The following ARCN1 variants were observed in gnomAD, a reference collection of about 807,000 sequenced individuals.
ARCN1 encodes archain 1 coat protein complex I subunit delta, also known as coatomer subunit delta.
ARCN1 carries 5 observed loss-of-function variants against 60.4 expected under a neutral mutation model. That is an observed-to-expected ratio of 0.08 (90% CI 0.04 to 0.17). The LOEUF is 0.17. Among genes scored for constraint, ARCN1 ranks in the 10% least tolerant of loss-of-function variants. ARCN1 has a pLI of 1.00. For missense variants in ARCN1, 464 were observed against 626.5 expected (o/e 0.74, Z 2.77); for synonymous variants, 224 against 220.0 (o/e 1.02, Z -0.16).
At chr11:118,591,320 G>A (rs915864739) in intron 6 of ARCN1, among the ~76,000 whole-genome samples, 2 of 152,178 alleles carry the variant, frequency 1.3e-5, no homozygotes, top group African/African-American at 2.4e-5. Flanking sequence ...TCTTTTGGAA[G>A]CAGTGCTTAT....
chr11:118,592,595 G>C, intron 6 of ARCN1, 114 bp from the exon 7 acceptor site: 1 of 689,832 alleles, frequency 1.4e-6, no homozygotes, highest in Admixed American at 2.7e-5. Context: ...AAAAGAATTG[G>C]AATTTGTTAG....
chr11:118,592,783 T>G lies in ARCN1; in HGVS notation c.1059T>G (p.Phe353Leu), dbSNP rs2135551791. ...LIGLKNPEKS[F>L]PVNSDVGVLK... The stretch of plus-strand genomic sequence containing the variant: ...GCCTGAAGAATCCAGAGAAGTCATT[T>G]CCAGTCAACAGTGACGTAGGGGTGC... Residue 353 changes from phenylalanine to leucine, a missense_variant, in exon 7 of 10, where the codon TTT becomes TTG. By Grantham distance (22) the Phe-to-Leu change is conservative. Around this residue, in one of 2 missense-constraint regions of ARCN1, gnomAD observed 359 missense variants for 440.2 expected, o/e 0.82. Transcript: ENST00000264028. The G allele has an allele frequency of 6.2e-7, 1 of 1,614,150 alleles. No homozygotes were observed. The highest frequency in any genetic ancestry group is 8.5e-7 in the Non-Finnish European group (1 of 1,179,994).
At chr11:118,582,699 C>T (rs1591384164) in intron 2 of ARCN1, among the ~76,000 whole-genome samples, 1 of 134,888 alleles carries the variant, frequency 7.4e-6, no homozygotes, top group Non-Finnish European at 1.6e-5. Flanking sequence ...GCACTCCAGA[C>T]CGGGTGACAG....
chr11:118,597,692 T>C lies in ARCN1; in HGVS notation c.1242-15T>C. 1.2e-6 allele frequency: 2 copies of C among 1,613,392 alleles called. No homozygotes were observed. The highest frequency in any genetic ancestry group is 1.7e-6 in the Non-Finnish European group (2 of 1,179,780). On this transcript the variant is annotated splice_polypyrimidine_tract_variant and intron_variant, in intron 8 of 9. Transcript: ENST00000264028. ...CTCTGAACAGCTACCTTGACCAGAA[T>C]GTTTCTCACAACAGGTCTGGTGTCG...
At chr11:118,583,523 G>A (rs1938707336) in intron 3 of ARCN1, among the ~76,000 whole-genome samples, 165 bp downstream of exon 3, 1 of 152,190 alleles carries the variant, frequency 6.6e-6, no homozygotes. Flanking sequence ...GGAGGCGGAA[G>A]TGGGAGTATC....
intron 1 of ARCN1, chr11:118,573,598 T>C (rs1397297687): frequency 8.7e-6 from 6 of 688,518 alleles, no homozygotes; most frequent in African/African-American, 5.3e-5. Context: ...TGTTCTGTTC[T>C]TTTTTATTCT....
chr11:118,596,430 G>T (rs1939027328), intron 8 of ARCN1, among the ~76,000 whole-genome samples: 1 of 152,178 alleles, frequency 6.6e-6, no homozygotes, highest in South Asian at 2.1e-4. Flanking sequence ...ATGGTCTCCA[G>T]AAGAGACCCT....
At chr11:118,573,626 TG>T (rs1565356186) in intron 1 of ARCN1, 1 of 699,928 alleles carries the variant, frequency 1.4e-6, no homozygotes, top group Non-Finnish European at 2.6e-6. Context: ...ATAGATAACT[TG>T]ATTTAAAACA....
Position 118,578,874 on chromosome 11 carries a change from CTTTTTTTTTTT to C in ARCN1, c.4-2350_4-2340del, listed in dbSNP as rs56050047. Among the ~76,000 whole-genome samples, 360 of 83,466 alleles carry C rather than the reference CTTTTTTTTTTT, an allele frequency of 4.3e-3. 1 individual carries two copies. The highest frequency in any genetic ancestry group is 5.6e-3 in the Non-Finnish European group (246 of 43,820). 54.8% of individuals were successfully genotyped at this position (83,466 alleles called of 152,430 possible). A position where few individuals can be genotyped will look rare whatever the true frequency, so the allele number is the denominator to read the frequency against. ...GGCAACATGGCAAAACCCCGTCTCT[CTTTTTTTTTTT>C]TTTTTTTTTTTTTTTTTTTTTAATA... On this transcript the variant is annotated intron_variant, in intron 1 of 9. Coordinates refer to ENST00000264028, the MANE Select transcript of ARCN1 (RefSeq NM_001655.5).
intron 1 of ARCN1, among the ~76,000 whole-genome samples, chr11:118,580,721 C>T (rs782472335): frequency 2.6e-5 from 4 of 152,110 alleles, no homozygotes; most frequent in Admixed American, 6.6e-5. Context: ...TGGGGTTTCA[C>T]CATGTTGGTC....
chr11:118,592,924 C>A, intron 7 of ARCN1, 68 bp downstream of exon 7: 1 of 1,446,062 alleles, frequency 6.9e-7, no homozygotes, highest in Non-Finnish European at 9.3e-7. Context: ...CTTGCTGGTA[C>A]ACTTTTATTT....
intron 5 of ARCN1, among the ~76,000 whole-genome samples, chr11:118,586,880 G>C (rs1381091572): frequency 1.3e-5 from 2 of 151,326 alleles, no homozygotes; most frequent in African/African-American, 4.9e-5. Flanking sequence ...AAAAATGTTG[G>C]AGATCATCAC....
intron 5 of ARCN1, among the ~76,000 whole-genome samples, chr11:118,586,295 C>T (rs782541539): frequency 4.6e-4 from 70 of 152,176 alleles, no homozygotes; most frequent in Middle Eastern, 6.8e-3. Flanking sequence ...AGAGTTTTGC[C>T]GTGTTGGCCA....
chr11:118,590,287 G>A (rs1190917844), intron 5 of ARCN1, 54 bp from the exon 6 acceptor site: 5 of 1,511,938 alleles, frequency 3.3e-6, no homozygotes, highest in Non-Finnish European at 4.5e-6. Context: ...GAGCCACCAC[G>A]CCCGGCCATT....
intron 6 of ARCN1, among the ~76,000 whole-genome samples, chr11:118,591,874 A>G (rs1216448530): frequency 1.3e-5 from 2 of 151,748 alleles, no homozygotes; most frequent in Non-Finnish European, 2.9e-5. Context: ...AGCTGGAACT[A>G]TAGGTGTGCA....
chr11:118,590,467 T>C lies in ARCN1; in HGVS notation c.945T>C (p.Leu315=), dbSNP rs149615562. ...ISDDKYGRIR[L]HVENEDKKGV... The stretch of plus-strand genomic sequence containing the variant: ...ATGACAAGTATGGCCGAATTCGTCT[T>C]CATGTGGAAAATGAAGATAAGAAAG... Residue 315 remains leucine (L), a synonymous_variant, in exon 6 of 10, where the codon CTT becomes CTC. Transcript: ENST00000264028. 1 of 1,614,108 alleles carries C rather than the reference T, an allele frequency of 6.2e-7. No homozygotes were observed. The highest frequency in any genetic ancestry group is 2.2e-5 in the East Asian group (1 of 44,896).
At chr11:118,577,313 C>G (rs558575296) in intron 1 of ARCN1, among the ~76,000 whole-genome samples, 173 of 151,458 alleles carry the variant, frequency 1.1e-3, no homozygotes, top group African/African-American at 3.7e-3. Flanking sequence ...GTGGTATGAT[C>G]TTGGCTTACT....
chr11:118,601,384 A>G lies in ARCN1; in HGVS notation c.*670A>G, dbSNP rs1939145265. The G allele has an allele frequency of 1.8e-6, 1 of 549,730 alleles. No individual in the cohort carries two copies. Among genetic ancestry groups the G allele is most frequent in the Non-Finnish European group, 3.3e-6 (1 of 299,742 alleles). 34.1% of individuals were successfully genotyped at this position (549,730 alleles called of 1,614,324 possible). A position where few individuals can be genotyped will look rare whatever the true frequency, so the allele number is the denominator to read the frequency against. Reference sequence around the variant, plus strand: ...GCTGCTCCTTTATTTTAATCCCTAAATATAATCCCTAAATATAGTTATATT... The same window carrying G: ...GCTGCTCCTTTATTTTAATCCCTAAGTATAATCCCTAAATATAGTTATATT... On this transcript the variant is annotated 3_prime_UTR_variant, in exon 10 of 10. Transcript: ENST00000264028.
chr11:118,582,724 T>TCAAAAAAAAAAAAAAA (rs1565360744), intron 2 of ARCN1, among the ~76,000 whole-genome samples: 1 of 127,384 alleles, frequency 7.9e-6, no homozygotes, highest in Admixed American at 8.1e-5. Context: ...AGACTTTGTC[T>TCAAAAAAAAAAAAAAA]TAAAAAAAAA....
Sources: gnomAD v4.1 joint callset for allele counts (sites outside exome capture counted in the v4.1 genomes callset) on GRCh38, gnomAD v4.1.1 for gene constraint, gnomAD v4.1.1 regional missense constraint, MANE v1.5 for transcripts, NCBI Gene and HGNC (gene_info 2026-07-23, HGNC 2026-07-21) for gene names.